Variants in GYS1 observed in about 807,000 individuals in gnomAD.
The protein encoded by GYS1 is glycogen [starch] synthase, muscle.
A neutral mutation model predicts 89.1 loss-of-function variants in GYS1; 60 were observed. That is an observed-to-expected ratio of 0.67 (90% CI 0.55 to 0.84). GYS1 has a LOEUF of 0.84. Ranked by LOEUF, GYS1 falls within the 40% of genes least tolerant of loss-of-function variation. The probability of loss-of-function intolerance (pLI) is 0.00; values close to 1 mark genes in which losing one functional copy is unlikely to be tolerated. For missense variants in GYS1, 888 were observed against 1,003.1 expected (o/e 0.89, Z 1.55); for synonymous variants, 366 against 401.7 (o/e 0.91, Z 1.06).
rs774914573 is a variant in GYS1, at chr19:48,974,657, C to T, written c.1385G>A (p.Arg462Gln). 2.5e-5 allele frequency: 40 copies of T among 1,613,896 alleles called. 1 individual carries two copies. In the Middle Eastern group the frequency reaches 4.9e-4, roughly 20 times the overall value. ...GGCACTGCTATTGAAGAGGCCGATT[C>T]GGCGGATGGTGGTCAGGATGGGGTC... ...SSDPILTTIR[R>Q]IGLFNSSADR... The change falls in exon 11 of 16, where the codon CGA (arginine) becomes CAA (glutamine). Residue 462 changes from arginine (R) to glutamine (Q), a missense_variant. Coordinates refer to ENST00000323798, the MANE Select transcript of GYS1 (RefSeq NM_002103.5).
At chr19:48,969,987 T>C (rs2038532322) in intron 14 of GYS1, 132 bp from the exon 15 acceptor site, 1 of 678,826 alleles carries the variant, frequency 1.5e-6, no homozygotes, top group African/African-American at 1.8e-5. Context: ...AATCCATCTA[T>C]CTGACTCCAC....
chr19:48,970,375 C>T (rs1304672510), intron 14 of GYS1, 171 bp downstream of exon 14: 1 of 636,018 alleles, frequency 1.6e-6, no homozygotes, highest in African/African-American at 1.8e-5. Flanking sequence ...CCTGTTAGGC[C>T]TCCCAAAGTG....
chr19:48,981,421 A>G, intron 8 of GYS1, 109 bp downstream of exon 8: 1 of 733,120 alleles, frequency 1.4e-6, no homozygotes, highest in Non-Finnish European at 2.4e-6. Flanking sequence ...AAAAACAAAC[A>G]AACAAACAAA....
chr19:48,969,620 G>A lies in GYS1; in HGVS notation c.1891-9C>T, dbSNP rs2122453623. ...TAGCGGTACCCCTGGGCCTGCATACGGCGATGTGGGTGCAAACCAGGGTGA... is the reference window on the plus strand; with the variant it reads ...TAGCGGTACCCCTGGGCCTGCATACAGCGATGTGGGTGCAAACCAGGGTGA... On this transcript the variant is annotated splice_polypyrimidine_tract_variant and intron_variant, in intron 15 of 15. Coordinates refer to ENST00000323798, the MANE Select transcript of GYS1 (RefSeq NM_002103.5). The A allele has an allele frequency of 1.9e-6, 3 of 1,545,436 alleles. No homozygotes were observed. The highest frequency in any genetic ancestry group is 2.3e-5 in the South Asian group (2 of 85,860).
chr19:48,975,855 T>C (rs933859120), intron 10 of GYS1, among the ~76,000 whole-genome samples: 2 of 132,186 alleles, frequency 1.5e-5, no homozygotes, highest in African/African-American at 5.9e-5. Flanking sequence ...GAGGTTGAAG[T>C]GAGCCAAGAT....
intron 10 of GYS1, 70 bp from the exon 11 acceptor site, chr19:48,974,803 T>C (rs1329737269): frequency 3.6e-6 from 4 of 1,111,036 alleles, no homozygotes; most frequent in Non-Finnish European, 5.5e-6. Context: ...TCATGAGCCA[T>C]GCGGACCCTG....
In GYS1 at chr19:48,970,173, G is replaced by A. The variant is rs59789528; in HGVS notation, c.1810-318C>T. ...GGTCTTGTTCTGTTACTCTAGGATGGAGTGCAGTGGGTTTGAACAAGGCTC... is the reference window on the plus strand; with the variant it reads ...GGTCTTGTTCTGTTACTCTAGGATGAAGTGCAGTGGGTTTGAACAAGGCTC... On this transcript the variant is annotated intron_variant, in intron 14 of 15. Coordinates refer to ENST00000323798, the MANE Select transcript of GYS1 (RefSeq NM_002103.5). The A allele has an allele frequency of 8.5e-3, 4,043 of 475,538 alleles. 115 individuals are homozygous for A. Among genetic ancestry groups the A allele is most frequent in the African/African-American group, 0.066 (3,373 of 51,344 alleles). 29.5% of individuals were successfully genotyped at this position (475,538 alleles called of 1,614,324 possible).
At chr19:48,992,829 C>T (rs2038959263) in intron 1 of GYS1, among the ~76,000 whole-genome samples, 166 bp downstream of exon 1, 1 of 152,088 alleles carries the variant, frequency 6.6e-6, no homozygotes, top group South Asian at 2.1e-4. Context: ...ACGAACCATC[C>T]CTCTCCCACC....
chr19:48,984,615 C>T (rs895379338), intron 5 of GYS1, among the ~76,000 whole-genome samples: 7 of 151,946 alleles, frequency 4.6e-5, no homozygotes, highest in African/African-American at 1.5e-4. Flanking sequence ...AGGCTGGTCT[C>T]GATCTCCTGA....
chr19:48,982,368 C>A lies in GYS1; in HGVS notation c.949G>T (p.Asp317Tyr). 6.2e-7 allele frequency: 1 copy of A among 1,613,834 alleles called. No individual in the cohort carries two copies. Among genetic ancestry groups the A allele is most frequent in the South Asian group, 1.1e-5 (1 of 91,022 alleles). The change falls in exon 7 of 16, where the codon GAC (aspartate) becomes TAC (tyrosine). Residue 317 changes from aspartate to tyrosine, a missense_variant. Coordinates refer to ENST00000323798, the MANE Select transcript of GYS1 (RefSeq NM_002103.5). The part of the protein sequence containing the change: ...FVRGHFYGHL[D>Y]FNLDKTLYFF... ...TATAAGGTCTTGTCCAAGTTGAAGT[C>A]CAGATGCCTAAAGAACCCACAAGGC...
intron 3 of GYS1, 36 bp downstream of exon 3, chr19:48,987,158 T>A: frequency 6.8e-7 from 1 of 1,472,220 alleles, no homozygotes; most frequent in Non-Finnish European, 9.5e-7. Flanking sequence ...TCATTGTAGT[T>A]TCAGGTATGG....
Position 48,991,988 on chromosome 19 carries a change from G to A in GYS1, c.119-505C>T, listed in dbSNP as rs1394656469. ...AGAGAAGCCTGCATGGTCATTCCCT[G>A]CCCCCAGGGACCTTGCTGACCTGCC... is the stretch of plus-strand genomic sequence containing the variant. On this transcript the variant is annotated intron_variant, in intron 1 of 15. Coordinates refer to ENST00000323798, the MANE Select transcript of GYS1 (RefSeq NM_002103.5). This position sits in a 1 kb window ranked among gnomAD's most constrained non-coding sequence, Gnocchi z 4.7. Among the ~76,000 whole-genome samples the A allele has an allele frequency of 3.9e-5, 6 of 152,002 alleles. No homozygotes were observed. Among genetic ancestry groups the A allele is most frequent in the Non-Finnish European group, 8.8e-5 (6 of 67,968 alleles).
At chr19:48,970,761 G>T in intron 13 of GYS1, 52 bp from the exon 14 acceptor site, 1 of 1,558,808 alleles carries the variant, frequency 6.4e-7, no homozygotes, top group Non-Finnish European at 8.8e-7. Context: ...GATCTTCATG[G>T]TCTCCAGGAC....
Position 48,985,488 on chromosome 19 carries a change from C to A in GYS1, c.796G>T (p.Ala266Ser), listed in dbSNP as rs1486581283. 6.2e-7 allele frequency: 1 copy of A among 1,613,984 alleles called. No homozygotes were observed. Among genetic ancestry groups the A allele is most frequent in the Non-Finnish European group, 8.5e-7 (1 of 1,180,026 alleles). The stretch of plus-strand genomic sequence containing the variant: ...GGTTTCCTCTTGAGCAAGTGCTGTG[C>A]CTCGATGGCGGTGATCTGGGACACA... ...TTVSQITAIE[A>S]QHLLKRKPDI... The change falls in exon 5 of 16, where the codon GCA becomes TCA. Residue 266 changes from alanine to serine, a missense_variant. Transcript: ENST00000323798.
chr19:48,970,274 A>T, intron 14 of GYS1: 1 of 482,950 alleles, frequency 2.1e-6, no homozygotes, highest in South Asian at 2.1e-5. Flanking sequence ...ACAGGCACGC[A>T]CCATCACGCT....
chr19:48,968,472 G>T lies in GYS1; in HGVS notation c.*816C>A, dbSNP rs886592095. 4.4e-6 allele frequency: 2 copies of T among 454,462 alleles called. No homozygotes were observed. The highest frequency in any genetic ancestry group is 4.0e-5 in the African/African-American group (2 of 50,012). The allele number at this position is 454,462 out of a possible 1,614,324, so 28.2% of individuals were successfully genotyped here. On this transcript the variant is annotated 3_prime_UTR_variant, in exon 16 of 16. Transcript: ENST00000323798. ...TGGGAATAAGCCAGGTTAGGGGTGG[G>T]GGAAGACAGCCAGCTCTGTCCTCTG... is the stretch of plus-strand genomic sequence containing the variant.
rs1197521961 is a variant in GYS1 at position 48,993,184 on chromosome 19, G to A, written c.-72C>T. The A allele has an allele frequency of 8.0e-6, 7 of 875,570 alleles. No homozygotes were observed. The highest frequency in any genetic ancestry group is 1.4e-5 in the Non-Finnish European group (7 of 510,530). 54.2% of individuals were successfully genotyped at this position (875,570 alleles called of 1,614,324 possible). A position where few individuals can be genotyped will look rare whatever the true frequency, so the allele number is the denominator to read the frequency against. On this transcript the variant is annotated 5_prime_UTR_variant, in exon 1 of 16. Transcript: ENST00000323798. ...CGGAGGTGTCTAGGGAATGCACCAG[G>A]TAGGGTGCGGGGCCGAGTAGCTGGT...
Position 48,969,041 on chromosome 19 carries a change from CCCAGGGGACT to C in GYS1, c.*237_*246del, listed in dbSNP as rs2038506484. On this transcript the variant is annotated 3_prime_UTR_variant, in exon 16 of 16. Coordinates refer to ENST00000323798, the MANE Select transcript of GYS1 (RefSeq NM_002103.5). ...CCTGGCCTCTGGGAAGCGGTCCAGG[CCCAGGGGACT>C]CCAGGGCGCTGATTATGCATATTCT... is the stretch of plus-strand genomic sequence containing the variant. The C allele has an allele frequency of 3.0e-6, 2 of 657,176 alleles. No individual in the cohort carries two copies. The highest frequency in any genetic ancestry group is 5.5e-6 in the Non-Finnish European group (2 of 363,274). 40.7% of individuals were successfully genotyped at this position (657,176 alleles called of 1,614,324 possible).
At chr19:48,977,837 C>A in intron 10 of GYS1, 87 bp downstream of exon 10, 2 of 963,942 alleles carry the variant, frequency 2.1e-6, no homozygotes, top group Admixed American at 1.7e-5. Flanking sequence ...GGACTCCCAG[C>A]AATCTCTGGG....
Sources: allele counts gnomAD v4.1 joint callset (sites outside exome capture counted in the v4.1 genomes callset), GRCh38; gene constraint gnomAD v4.1.1; non-coding constraint Gnocchi (gnomAD v3.1); transcripts MANE v1.5; gene names NCBI Gene and HGNC (gene_info 2026-07-23, HGNC 2026-07-21).